UBE2H: variants seen among roughly 807,000 people sequenced by gnomAD.
UBE2H encodes the protein ubiquitin-conjugating enzyme E2 H.
Under a neutral mutation model 29.0 loss-of-function variants are expected in UBE2H, and 3 were observed. That is an observed-to-expected ratio of 0.10 (90% CI 0.05 to 0.27). UBE2H has a LOEUF of 0.27. Among genes scored for constraint, UBE2H ranks in the 10% least tolerant of loss-of-function variants. The probability of loss-of-function intolerance (pLI) is 1.00; values close to 1 mark genes in which losing one functional copy is unlikely to be tolerated. For missense variants in UBE2H, 68 were observed against 228.2 expected (o/e 0.30, Z 4.52); for synonymous variants, 69 against 82.9 (o/e 0.83, Z 0.91).
chr7:129,952,630 G>T lies in UBE2H; in HGVS notation c.-75C>A, dbSNP rs1584808040. Reference sequence around the variant, plus strand: ...GGGGCCCCGGCTCTGAGGAGCCCGCGGCCGCGCCGGCTCCTCGGTGGAGGT... The same window carrying T: ...GGGGCCCCGGCTCTGAGGAGCCCGCTGCCGCGCCGGCTCCTCGGTGGAGGT... On this transcript the variant is annotated 5_prime_UTR_variant, in exon 1 of 7. Transcript: ENST00000355621. The T allele has an allele frequency of 4.5e-6, 7 of 1,546,978 alleles. No homozygotes were observed. Among genetic ancestry groups the T allele is most frequent in the African/African-American group, 1.4e-5 (1 of 71,464 alleles).
chr7:129,845,653 T>G (rs946847783), intron 5 of UBE2H, among the ~76,000 whole-genome samples: 1 of 152,160 alleles, frequency 6.6e-6, no homozygotes, highest in Non-Finnish European at 1.5e-5. Flanking sequence ...CCTAACACAA[T>G]GTGGACATCT....
Position 129,921,395 on chromosome 7 carries a change from C to T in UBE2H, c.53+31108G>A, listed in dbSNP as rs1461922644. On this transcript the variant is annotated intron_variant, in intron 1 of 6. Transcript: ENST00000355621. ...ATGCAGCTACAAAAGCAAATTTAAA[C>T]CCTAATTTAAAAGCTGATTTTGCCG... 2.0e-5 allele frequency among the ~76,000 whole-genome samples: 3 copies of T among 152,064 alleles called. No homozygotes were observed. In the East Asian group the frequency reaches 5.8e-4, roughly 29 times the overall value.
chr7:129,891,524 C>A (rs906801849), intron 1 of UBE2H, among the ~76,000 whole-genome samples: 4 of 152,100 alleles, frequency 2.6e-5, no homozygotes. Context: ...AATAAATAGG[C>A]CGGGCATGGT....
At chr7:129,878,781 C>G (rs1049427480) in intron 3 of UBE2H, among the ~76,000 whole-genome samples, 8 of 144,020 alleles carry the variant, frequency 5.6e-5, no homozygotes, top group African/African-American at 2.0e-4. Flanking sequence ...AGAGAATGCT[C>G]AATATATTAC....
chr7:129,935,206 C>T (rs953117858), intron 1 of UBE2H, among the ~76,000 whole-genome samples: 3 of 151,364 alleles, frequency 2.0e-5, no homozygotes, highest in Admixed American at 1.3e-4. Flanking sequence ...GGGCAGATCA[C>T]GAGGTCAGGA....
chr7:129,915,114 T>C (rs534894053), intron 1 of UBE2H, among the ~76,000 whole-genome samples: 1 of 152,310 alleles, frequency 6.6e-6, no homozygotes, highest in South Asian at 2.1e-4. Context: ...TCCCCGAGGC[T>C]GTGAAATTAA....
At chr7:129,867,950 C>T (rs1200637188) in intron 3 of UBE2H, among the ~76,000 whole-genome samples, 68 of 152,260 alleles carry the variant, frequency 4.5e-4, no homozygotes, top group Non-Finnish European at 2.6e-4. Context: ...AATCTCTAAA[C>T]TTCCACTAAC....
At chr7:129,933,996 C>A (rs143798578) in intron 1 of UBE2H, among the ~76,000 whole-genome samples, 47 of 152,202 alleles carry the variant, frequency 3.1e-4, no homozygotes, top group African/African-American at 9.9e-4. Context: ...CAAGGATAAA[C>A]GTGAAATGTA....
chr7:129,951,193 T>C (rs952051062), intron 1 of UBE2H: 1 of 152,208 alleles, frequency 6.6e-6, no homozygotes, highest in African/African-American at 2.4e-5. Flanking sequence ...ACTGAATTTT[T>C]TGACAATAAC....
chr7:129,890,685 T>C (rs1806466515), intron 1 of UBE2H, among the ~76,000 whole-genome samples: 1 of 151,958 alleles, frequency 6.6e-6, no homozygotes, highest in Admixed American at 6.6e-5. Context: ...GGTGATACTA[T>C]TAATGGCAAA....
chr7:129,920,946 T>C (rs1038446984), intron 1 of UBE2H, among the ~76,000 whole-genome samples: 5 of 151,516 alleles, frequency 3.3e-5, no homozygotes, highest in Admixed American at 2.0e-4. Flanking sequence ...GAGGATCACT[T>C]GAGGCCAGGA....
intron 1 of UBE2H, among the ~76,000 whole-genome samples, chr7:129,902,049 T>C (rs1315827480): frequency 6.6e-6 from 1 of 152,126 alleles, no homozygotes; most frequent in African/African-American, 2.4e-5. Context: ...TATTAACCCG[T>C]TTTCACTTAG....
intron 1 of UBE2H, among the ~76,000 whole-genome samples, chr7:129,926,743 C>T (rs1807277804): frequency 6.6e-6 from 1 of 151,086 alleles, no homozygotes; most frequent in Non-Finnish European, 1.5e-5. Context: ...ACCAAGAGTC[C>T]TCCTCTGGCT....
intron 1 of UBE2H, among the ~76,000 whole-genome samples, chr7:129,939,258 T>C (rs1807594322): frequency 1.3e-5 from 2 of 152,194 alleles, no homozygotes; most frequent in Non-Finnish European, 2.9e-5. Context: ...CATTGTACAC[T>C]ACAGCCTTGG....
intron 3 of UBE2H, among the ~76,000 whole-genome samples, chr7:129,863,528 C>A (rs1262600481): frequency 6.6e-6 from 1 of 152,182 alleles, no homozygotes; most frequent in African/African-American, 2.4e-5. Context: ...ATGGCAAGCA[C>A]TCTGAGAACA....
In UBE2H at chr7:129,834,872, A is replaced by G. The variant is rs1157817147; in HGVS notation, c.*65T>C. 1 of 1,593,660 alleles carries G rather than the reference A, an allele frequency of 6.3e-7. No individual in the cohort carries two copies. The highest frequency in any genetic ancestry group is 8.5e-7 in the Non-Finnish European group (1 of 1,173,160). On this transcript the variant is annotated 3_prime_UTR_variant, in exon 7 of 7. Transcript: ENST00000355621. ...AAAAAATTGCTTTGTTTAAATATGA[A>G]TATTATAGTCTGCTTCTCATGGTTA...
chr7:129,837,899 G>A (rs964377534), intron 6 of UBE2H, among the ~76,000 whole-genome samples: 6 of 152,164 alleles, frequency 3.9e-5, no homozygotes, highest in African/African-American at 1.4e-4. Context: ...TGTAGGCTCG[G>A]TTCTTTTTGT....
intron 1 of UBE2H, among the ~76,000 whole-genome samples, chr7:129,904,008 C>G: frequency 6.6e-6 from 1 of 152,226 alleles, no homozygotes; most frequent in East Asian, 1.9e-4. Context: ...CAATTTATAA[C>G]AGTGCTAGTT....
intron 5 of UBE2H, among the ~76,000 whole-genome samples, chr7:129,849,817 T>C (rs1034080972): frequency 7.9e-5 from 12 of 152,004 alleles, no homozygotes; most frequent in Admixed American, 6.6e-4. Context: ...TACTAAAAGG[T>C]ATATTAAAGA....
Sources: allele counts gnomAD v4.1 joint callset (sites outside exome capture counted in the v4.1 genomes callset), GRCh38; gene constraint gnomAD v4.1.1; transcripts MANE v1.5; gene names NCBI Gene and HGNC (gene_info 2026-07-23, HGNC 2026-07-21).